SSBP2: variants seen among roughly 807,000 people sequenced by gnomAD.
The protein encoded by SSBP2 is single stranded DNA binding protein 2.
Under a neutral mutation model 61.8 loss-of-function variants are expected in SSBP2, and 17 were observed. The observed-to-expected ratio is 0.28, with a 90% CI of 0.19 to 0.41. The LOEUF (loss-of-function observed/expected upper bound fraction) is 0.41. Among genes scored for constraint, SSBP2 ranks in the 10% least tolerant of loss-of-function variants. The pLI, the probability that SSBP2 is intolerant of heterozygous loss-of-function variation, is 1.00. For synonymous variants in SSBP2, 139 were observed against 141.3 expected (o/e 0.98, Z 0.12); for missense variants, 310 against 458.7 (o/e 0.68, Z 2.96).
At chr5:81,435,322 C>A (rs1762606898) in intron 15 of SSBP2, among the ~76,000 whole-genome samples, 1 of 152,298 alleles carries the variant, frequency 6.6e-6, no homozygotes, top group South Asian at 2.1e-4. Context: ...CAGTAGGCGT[C>A]AACATTTACT....
At chr5:81,676,964 T>A (rs937699973) in intron 1 of SSBP2, among the ~76,000 whole-genome samples, 2 of 152,080 alleles carry the variant, frequency 1.3e-5, no homozygotes, top group East Asian at 3.9e-4. Flanking sequence ...CATAACTCTA[T>A]CAGAAAAATT....
At position 81,652,991 on chromosome 5, in the gene SSBP2, C is replaced by T. The variant is rs138999074; in HGVS notation, c.63-2652G>A. Among the ~76,000 whole-genome samples the T allele has an allele frequency of 2.9e-3, 438 of 149,572 alleles. 2 individuals are homozygous for T. The highest frequency in any genetic ancestry group is 1.0e-2 in the African/African-American group (406 of 40,684). On this transcript the variant is annotated intron_variant, in intron 1 of 16. Coordinates refer to ENST00000320672, the MANE Select transcript of SSBP2 (RefSeq NM_012446.5). ...TAAGTTCTGGGATACATGTGCGGAA[C>T]GTGCAAGTTTGTTACATAGGTATGT...
At position 81,570,696 on chromosome 5, in the gene SSBP2, A is replaced by T. The variant is rs79387585; in HGVS notation, c.282+44777T>A. 2.6e-3 allele frequency among the ~76,000 whole-genome samples: 400 copies of T among 151,992 alleles called. 1 individual carries two copies. The highest frequency in any genetic ancestry group is 8.5e-3 in the African/African-American group (354 of 41,408). ...CCACAGAAAGCGTAAAATAATTAAA[A>T]TTTTTTCTGGAAAATATTACATTTC... On this transcript the variant is annotated intron_variant, in intron 4 of 16. Coordinates refer to ENST00000320672, the MANE Select transcript of SSBP2 (RefSeq NM_012446.5).
chr5:81,484,670 T>C (rs934709896), intron 6 of SSBP2, among the ~76,000 whole-genome samples: 46 of 152,152 alleles, frequency 3.0e-4, no homozygotes, highest in Middle Eastern at 3.2e-3. Flanking sequence ...ATCACTAACA[T>C]ATTAAACAGA....
chr5:81,751,171 G>GC (rs941833282), upstream of SSBP2: 56 of 956,270 alleles, frequency 5.9e-5, no homozygotes, highest in Middle Eastern at 4.3e-4. Flanking sequence ...CCAAAGCTCC[G>GC]CCCCCTTCGC....
At chr5:81,718,947 T>G (rs1420343313) in intron 1 of SSBP2, among the ~76,000 whole-genome samples, 2 of 152,220 alleles carry the variant, frequency 1.3e-5, no homozygotes, top group Non-Finnish European at 2.9e-5. Context: ...ACCTCTTACA[T>G]AAATATCTCA....
At chr5:81,573,866 C>A (rs560332672) in intron 4 of SSBP2, among the ~76,000 whole-genome samples, 1 of 152,082 alleles carries the variant, frequency 6.6e-6, no homozygotes, top group Non-Finnish European at 1.5e-5. Flanking sequence ...CTTGACCAGG[C>A]GCAGTGGCTC....
At chr5:81,613,344 T>G (rs1745643364) in intron 4 of SSBP2, among the ~76,000 whole-genome samples, 1 of 152,154 alleles carries the variant, frequency 6.6e-6, no homozygotes, top group South Asian at 2.1e-4. Context: ...CTACTCGAAT[T>G]TTACTCCTAC....
intron 16 of SSBP2, among the ~76,000 whole-genome samples, chr5:81,421,879 T>C (rs1424062542): frequency 1.3e-5 from 2 of 152,180 alleles, no homozygotes; most frequent in African/African-American, 2.4e-5. Flanking sequence ...TTAATTTTAA[T>C]TTATTCATGT....
chr5:81,569,145 G>A (rs1231471398), intron 4 of SSBP2, among the ~76,000 whole-genome samples: 1 of 152,034 alleles, frequency 6.6e-6, no homozygotes, highest in Admixed American at 6.6e-5. Flanking sequence ...TTTTCTGGAT[G>A]GTTATATTTT....
At chr5:81,622,120 T>TAAAAAAAAAAAAAAAAA (rs76185243) in intron 3 of SSBP2, among the ~76,000 whole-genome samples, 1 of 127,048 alleles carries the variant, frequency 7.9e-6, no homozygotes, top group Non-Finnish European at 1.7e-5. Flanking sequence ...AAAAAAAAAT[T>TAAAAAAAAAAAAAAAAA]AAAAAAAAAA....
intron 4 of SSBP2, 66 bp downstream of exon 4, chr5:81,615,407 T>G: frequency 2.5e-6 from 3 of 1,180,950 alleles, no homozygotes; most frequent in Non-Finnish European, 3.8e-6. Flanking sequence ...GCCAGTGTAT[T>G]TTTTAAGAGC....
chr5:81,712,093 C>T (rs1221298680), intron 1 of SSBP2, among the ~76,000 whole-genome samples: 4 of 150,544 alleles, frequency 2.7e-5, no homozygotes, highest in Non-Finnish European at 5.9e-5. Context: ...ACCACTAGCT[C>T]TTCAGTTAAA....
In SSBP2 at chr5:81,415,077, C is replaced by T. The variant is rs1367377100; in HGVS notation, c.*5427G>A. 1.3e-5 allele frequency: 2 copies of T among 152,170 alleles called. No individual in the cohort carries two copies. Among genetic ancestry groups the T allele is most frequent in the Non-Finnish European group, 2.9e-5 (2 of 68,034 alleles). The allele number at this position is 152,170 out of a possible 1,614,324, so 9.4% of individuals were successfully genotyped here. Reference sequence around the variant, plus strand: ...CTTTACACATGCTTAAGATTGGGTACCATTGCTTTAAACAAACACAGCCTC... The same window carrying T: ...CTTTACACATGCTTAAGATTGGGTATCATTGCTTTAAACAAACACAGCCTC... On this transcript the variant is annotated 3_prime_UTR_variant, in exon 17 of 17. Coordinates refer to ENST00000320672, the MANE Select transcript of SSBP2 (RefSeq NM_012446.5).
intron 15 of SSBP2, among the ~76,000 whole-genome samples, chr5:81,435,055 GGAGTA>G (rs1433766676): frequency 2.0e-5 from 3 of 152,166 alleles, no homozygotes; most frequent in Admixed American, 2.0e-4. Context: ...CAATGAACCT[GGAGTA>G]GAGGTGGTGT....
intron 5 of SSBP2, among the ~76,000 whole-genome samples, chr5:81,493,954 A>G (rs1767097708): frequency 6.6e-6 from 1 of 152,180 alleles, no homozygotes; most frequent in Non-Finnish European, 1.5e-5. Flanking sequence ...TAGATATATC[A>G]GTGAACAAGG....
intron 9 of SSBP2, among the ~76,000 whole-genome samples, chr5:81,461,951 G>T (rs1029251576): frequency 2.0e-5 from 3 of 151,944 alleles, no homozygotes; most frequent in African/African-American, 7.3e-5. Flanking sequence ...ACTGTCAGTC[G>T]GTCTCCTCTA....
At chr5:81,679,209 AT>A (rs1439745462) in intron 1 of SSBP2, among the ~76,000 whole-genome samples, 1 of 152,184 alleles carries the variant, frequency 6.6e-6, no homozygotes. Context: ...GGGTTTTGCC[AT>A]GTTGGCCAGG....
At chr5:81,549,735 G>A (rs1772028609) in intron 4 of SSBP2, among the ~76,000 whole-genome samples, 1 of 152,164 alleles carries the variant, frequency 6.6e-6, no homozygotes, top group Non-Finnish European at 1.5e-5. Flanking sequence ...ATTGAGAAAT[G>A]ATTGATGGAT....
Sources: gnomAD v4.1 joint callset for allele counts (sites outside exome capture counted in the v4.1 genomes callset) on GRCh38, gnomAD v4.1.1 for gene constraint, MANE v1.5 for transcripts, NCBI Gene and HGNC (gene_info 2026-07-23, HGNC 2026-07-21) for gene names.